PDE10A: variants seen among roughly 807,000 people sequenced by gnomAD.
PDE10A encodes cAMP and cAMP-inhibited cGMP 3',5'-cyclic phosphodiesterase 10A.
In PDE10A, 39 loss-of-function variants were observed where a neutral mutation model predicts 97.7. That is an observed-to-expected ratio of 0.40 (90% CI 0.31 to 0.52). PDE10A has a LOEUF of 0.52. PDE10A is among the 20% of genes least tolerant of loss of function. The pLI, the probability that PDE10A is intolerant of heterozygous loss-of-function variation, is 0.56. For synonymous variants in PDE10A, 371 were observed against 376.8 expected (o/e 0.98, Z 0.18); for missense variants, 731 against 1,047.8 (o/e 0.70, Z 4.17).
chr6:165,813,385 C>T (rs1779329482), intron 1 of PDE10A, among the ~76,000 whole-genome samples: 1 of 147,602 alleles, frequency 6.8e-6, no homozygotes, highest in African/African-American at 2.5e-5. Flanking sequence ...ATGGGAACCG[C>T]ATATGTTATG....
At chr6:165,934,003 T>A (rs1183663388) in intron 1 of PDE10A, among the ~76,000 whole-genome samples, 1 of 151,246 alleles carries the variant, frequency 6.6e-6, no homozygotes. Context: ...TTTTTTTTTT[T>A]AGTCGGAGTC....
intron 1 of PDE10A, among the ~76,000 whole-genome samples, chr6:165,773,735 G>A (rs1778082555): frequency 6.6e-6 from 1 of 152,156 alleles, no homozygotes; most frequent in Admixed American, 6.5e-5. Context: ...AGAGTTTCCT[G>A]AGTCTCTACC....
At chr6:165,844,770 C>G (rs34260003) in intron 1 of PDE10A, among the ~76,000 whole-genome samples, 5,911 of 152,254 alleles carry the variant, frequency 0.039, 135 homozygotes, top group Middle Eastern at 0.051. Flanking sequence ...AAAGAAATAA[C>G]AGCATGATAA....
At chr6:165,457,895 A>T (rs1778054489) in intron 3 of PDE10A, among the ~76,000 whole-genome samples, 1 of 152,192 alleles carries the variant, frequency 6.6e-6, no homozygotes, top group Admixed American at 6.6e-5. Flanking sequence ...TTAGCCAAAA[A>T]AGTTTAGAGG....
chr6:165,490,915 A>G (rs375932110), intron 2 of PDE10A, among the ~76,000 whole-genome samples: 23 of 152,286 alleles, frequency 1.5e-4, no homozygotes, highest in South Asian at 8.3e-4. Context: ...AGATCACACC[A>G]CTGAACTCCA....
At chr6:165,656,106 G>C (rs1387556892) in intron 1 of PDE10A, among the ~76,000 whole-genome samples, 4 of 151,826 alleles carry the variant, frequency 2.6e-5, no homozygotes, top group Non-Finnish European at 5.9e-5. Flanking sequence ...CAGAGTGTGG[G>C]CACCATACAA....
At chr6:165,622,635 T>C (rs904903246) in intron 1 of PDE10A, among the ~76,000 whole-genome samples, 2 of 152,194 alleles carry the variant, frequency 1.3e-5, no homozygotes, top group Non-Finnish European at 2.9e-5. Flanking sequence ...CCTTATATAG[T>C]GGGTGATTGT....
intron 1 of PDE10A, among the ~76,000 whole-genome samples, chr6:165,779,185 T>C (rs534941663): frequency 1.4e-4 from 22 of 152,352 alleles, no homozygotes; most frequent in African/African-American, 2.2e-4. Context: ...GAGGTAGTGA[T>C]ACAAATTTTT....
chr6:165,877,045 G>C (rs1781362379), intron 1 of PDE10A, among the ~76,000 whole-genome samples: 2 of 152,172 alleles, frequency 1.3e-5, no homozygotes, highest in Admixed American at 1.3e-4. Flanking sequence ...CCTGGATTCT[G>C]TAGCAAGCAT....
At chr6:165,842,077 G>A (rs937975993) in intron 1 of PDE10A, among the ~76,000 whole-genome samples, 29 of 152,304 alleles carry the variant, frequency 1.9e-4, no homozygotes, top group South Asian at 6.2e-4. Flanking sequence ...CTAACCAGGC[G>A]AATTGTGTAA....
intron 2 of PDE10A, among the ~76,000 whole-genome samples, chr6:165,520,158 G>A (rs1782048108): frequency 6.6e-6 from 1 of 152,132 alleles, no homozygotes; most frequent in Non-Finnish European, 1.5e-5. Flanking sequence ...GTTCCTTCTA[G>A]AAAGTAATTA....
intron 1 of PDE10A, among the ~76,000 whole-genome samples, chr6:165,826,872 G>T (rs1779773958): frequency 6.6e-6 from 1 of 151,758 alleles, no homozygotes; most frequent in South Asian, 2.1e-4. Context: ...TGAGGGAGGG[G>T]CACAGTGAGA....
chr6:165,534,178 T>C (rs1339621013), intron 2 of PDE10A, among the ~76,000 whole-genome samples: 1 of 151,862 alleles, frequency 6.6e-6, no homozygotes, highest in Admixed American at 6.6e-5. Flanking sequence ...CACCAATAAG[T>C]TGGAAAGTCT....
intron 1 of PDE10A, among the ~76,000 whole-genome samples, chr6:165,577,122 T>C (rs1247385897): frequency 6.6e-6 from 1 of 152,230 alleles, no homozygotes; most frequent in Non-Finnish European, 1.5e-5. Context: ...GGAGTTGCCC[T>C]TCCTAAAAGG....
intron 13 of PDE10A, among the ~76,000 whole-genome samples, chr6:165,404,767 T>G (rs1298787512): frequency 6.6e-6 from 1 of 152,192 alleles, no homozygotes; most frequent in African/African-American, 2.4e-5. Context: ...TAAAATACAC[T>G]GTTGCAAAAA....
At chr6:165,656,736 G>A (rs548046844) in intron 1 of PDE10A, among the ~76,000 whole-genome samples, 12 of 152,264 alleles carry the variant, frequency 7.9e-5, no homozygotes, top group South Asian at 4.1e-4. Context: ...CTCGCAAAGC[G>A]AAGGCACTGC....
At chr6:165,633,807 T>C (rs1309237801) in intron 1 of PDE10A, among the ~76,000 whole-genome samples, 2 of 150,812 alleles carry the variant, frequency 1.3e-5, no homozygotes, top group Non-Finnish European at 3.0e-5. Flanking sequence ...TTTTTTTTTT[T>C]CGTATTTTTA....
intron 1 of PDE10A, among the ~76,000 whole-genome samples, chr6:165,801,282 C>T (rs890896178): frequency 6.6e-6 from 1 of 152,214 alleles, no homozygotes; most frequent in Non-Finnish European, 1.5e-5. Flanking sequence ...TGGTGGCTCA[C>T]GCCTGTAAAC....
chr6:165,381,638 T>A (rs1369709376), intron 17 of PDE10A, among the ~76,000 whole-genome samples: 1 of 146,028 alleles, frequency 6.8e-6, no homozygotes, highest in African/African-American at 2.6e-5. Flanking sequence ...CTAATTTTTT[T>A]TTTTTTTTTT....
Sources: allele counts gnomAD v4.1 joint callset (sites outside exome capture counted in the v4.1 genomes callset), GRCh38; gene constraint gnomAD v4.1.1; transcripts MANE v1.5; gene names NCBI Gene and HGNC (gene_info 2026-07-23, HGNC 2026-07-21).